ASXL3: variants seen among roughly 807,000 people sequenced by gnomAD.
ASXL3 encodes ASXL transcriptional regulator 3.
A neutral mutation model predicts 170.6 loss-of-function variants in ASXL3; 34 were observed. The observed-to-expected ratio is 0.20, with a 90% CI of 0.15 to 0.27. The LOEUF (loss-of-function observed/expected upper bound fraction) is 0.27, where lower values mean the gene tolerates loss of function less well. ASXL3 is among the 10% of genes least tolerant of loss of function. The probability of loss-of-function intolerance (pLI) is 1.00; values close to 1 mark genes in which losing one functional copy is unlikely to be tolerated. For missense variants in ASXL3, 2,592 were observed against 2,695.3 expected, an observed-to-expected ratio of 0.96 and a Z score of 0.85; for synonymous variants, 1,002 against 989.1, an observed-to-expected ratio of 1.01 and a Z score of -0.24.
At chr18:33,715,357 A>G (rs928850883) in intron 8 of ASXL3, among the ~76,000 whole-genome samples, 3 of 152,238 alleles carry the variant, frequency 2.0e-5, no homozygotes, top group Non-Finnish European at 2.9e-5. Flanking sequence ...CCAATCTGGC[A>G]TATACAGATC....
intron 8 of ASXL3, among the ~76,000 whole-genome samples, chr18:33,714,408 T>G (rs1005203830): frequency 9.2e-5 from 14 of 152,150 alleles, no homozygotes; most frequent in Admixed American, 5.2e-4. Flanking sequence ...CTCTTTTCAT[T>G]AACTGCTGCT....
chr18:33,736,161 C>G lies in ASXL3; in HGVS notation c.1082+1746C>G, dbSNP rs141702098. On this transcript the variant is annotated intron_variant, in intron 10 of 11. Transcript: ENST00000269197. Reference sequence around the variant, plus strand: ...TGCTTGGGGTCTTAATCCTGCAAATCCTTCTCAGAAAAATTCACATACATG... The same window carrying G: ...TGCTTGGGGTCTTAATCCTGCAAATGCTTCTCAGAAAAATTCACATACATG... 9.9e-4 allele frequency among the ~76,000 whole-genome samples: 151 copies of G among 152,196 alleles called. 1 individual carries two copies. Among genetic ancestry groups the G allele is most frequent in the Middle Eastern group, 3.4e-3 (1 of 294 alleles).
At chr18:33,715,080 A>G (rs536486543) in intron 8 of ASXL3, among the ~76,000 whole-genome samples, 4 of 152,270 alleles carry the variant, frequency 2.6e-5, no homozygotes, top group African/African-American at 9.6e-5. Flanking sequence ...ACTCAGGACA[A>G]TGGACATGAA....
At chr18:33,582,263 C>G (rs565020662) in intron 1 of ASXL3, among the ~76,000 whole-genome samples, 2 of 152,312 alleles carry the variant, frequency 1.3e-5, no homozygotes, top group East Asian at 3.9e-4. Context: ...CATTCTGTTA[C>G]TATAAATACA....
chr18:33,721,079 C>T (rs1452227426), intron 8 of ASXL3, among the ~76,000 whole-genome samples: 2 of 151,972 alleles, frequency 1.3e-5, no homozygotes, highest in Admixed American at 6.6e-5. Context: ...TTCTGAAATC[C>T]TTAGCAGCAA....
chr18:33,705,216 CATAAG>C (rs1435277134), intron 8 of ASXL3, among the ~76,000 whole-genome samples: 3 of 151,512 alleles, frequency 2.0e-5, no homozygotes, highest in South Asian at 2.1e-4. Context: ...CAGAAGATAA[CATAAG>C]ATAACAATGA....
intron 1 of ASXL3, among the ~76,000 whole-genome samples, chr18:33,606,398 AAGAG>A (rs959885318): frequency 6.6e-6 from 1 of 151,964 alleles, no homozygotes; most frequent in African/African-American, 2.4e-5. Flanking sequence ...GGGAACTAGA[AAGAG>A]AGAATAGGAA....
At chr18:33,680,418 A>C (rs2066497073) in intron 7 of ASXL3, among the ~76,000 whole-genome samples, 1 of 152,032 alleles carries the variant, frequency 6.6e-6, no homozygotes, top group South Asian at 2.1e-4. Context: ...TGGGGGAAAA[A>C]CATGCTTTCT....
chr18:33,613,476 G>C (rs959868820), intron 2 of ASXL3, among the ~76,000 whole-genome samples: 1 of 151,996 alleles, frequency 6.6e-6, no homozygotes, highest in Non-Finnish European at 1.5e-5. Flanking sequence ...TTTGATTCCA[G>C]ACCATCCCAA....
intron 2 of ASXL3, among the ~76,000 whole-genome samples, chr18:33,638,511 C>T (rs2065803406): frequency 6.6e-6 from 1 of 152,114 alleles, no homozygotes; most frequent in Admixed American, 6.6e-5. Context: ...TGAAGCAGGT[C>T]ACCTTATTTA....
Position 33,745,300 on chromosome 18 carries a change from C to T in ASXL3, c.5452C>T (p.Leu1818Phe), listed in dbSNP as rs1448635411. 6.2e-7 allele frequency: 1 copy of T among 1,613,970 alleles called. No homozygotes were observed. Among genetic ancestry groups the T allele is most frequent in the Non-Finnish European group, 8.5e-7 (1 of 1,179,898 alleles). ...CTACTTGGCAGGGACTCTGGCACCA[C>T]TCCAAATGAGAAAGCGAGAAAACCA... ...KGYLAGTLAP[L>F]QMRKRENHPK... The change falls in exon 12 of 12, where the codon CTC becomes TTC. Residue 1818 changes from leucine to phenylalanine, a missense_variant. Leu to Phe is a conservative substitution (Grantham distance 22). Transcript: ENST00000269197.
intron 7 of ASXL3, among the ~76,000 whole-genome samples, chr18:33,675,501 T>C (rs1169198530): frequency 6.6e-6 from 1 of 152,232 alleles, no homozygotes; most frequent in African/African-American, 2.4e-5. Context: ...GCTGTAAGTC[T>C]GTTCTAATTT....
intron 8 of ASXL3, among the ~76,000 whole-genome samples, chr18:33,711,119 G>T (rs1417799255): frequency 6.6e-6 from 1 of 152,128 alleles, no homozygotes; most frequent in Non-Finnish European, 1.5e-5. Flanking sequence ...TGAATGTAGA[G>T]ATCATGGTTA....
At chr18:33,722,721 T>C (rs560485580) in intron 8 of ASXL3, among the ~76,000 whole-genome samples, 4 of 152,128 alleles carry the variant, frequency 2.6e-5, no homozygotes, top group Non-Finnish European at 5.9e-5. Context: ...TTGATGAAGG[T>C]GGCTATGTTA....
At chr18:33,680,129 T>C (rs141688279) in intron 7 of ASXL3, among the ~76,000 whole-genome samples, 7 of 152,168 alleles carry the variant, frequency 4.6e-5, no homozygotes, top group African/African-American at 1.7e-4. Context: ...TAAAACCAAT[T>C]GAGTGGCATT....
At chr18:33,626,737 A>G (rs912941667) in intron 2 of ASXL3, 1 of 152,162 alleles carries the variant, frequency 6.6e-6, no homozygotes, top group African/African-American at 2.4e-5. Context: ...TTGAATGTTC[A>G]TATTTTCATC....
Position 33,605,235 on chromosome 18 carries a change from A to G in ASXL3, c.55-2359A>G, listed in dbSNP as rs1430571710. 4.6e-5 allele frequency among the ~76,000 whole-genome samples: 7 copies of G among 152,098 alleles called. No homozygotes were observed. The South Asian group carries it at 1.0e-3, about 23-fold the overall frequency. ...TTGTGCTCTGACTGTGGCTTGCCCC[A>G]CTCAGTGTATTAGAGTATGGCTGTC... On this transcript the variant is annotated intron_variant, in intron 1 of 11. Coordinates refer to ENST00000269197, the MANE Select transcript of ASXL3 (RefSeq NM_030632.3).
chr18:33,658,119 C>A (rs2066112268), intron 4 of ASXL3, among the ~76,000 whole-genome samples: 1 of 152,088 alleles, frequency 6.6e-6, no homozygotes, highest in Non-Finnish European at 1.5e-5. Flanking sequence ...AAACATCTGT[C>A]CTAATTCTTC....
intron 8 of ASXL3, among the ~76,000 whole-genome samples, chr18:33,691,947 C>T (rs1294502426): frequency 6.6e-6 from 1 of 152,134 alleles, no homozygotes; most frequent in Non-Finnish European, 1.5e-5. Context: ...GTATTATCAA[C>T]CCCACTTTCT....
Sources: gnomAD v4.1 joint callset for allele counts (sites outside exome capture counted in the v4.1 genomes callset) on GRCh38, gnomAD v4.1.1 for gene constraint, MANE v1.5 for transcripts, NCBI Gene and HGNC (gene_info 2026-07-23, HGNC 2026-07-21) for gene names.